The following RNF19A variants were observed in gnomAD, a reference collection of about 807,000 sequenced individuals.
RNF19A encodes the protein ring finger protein 19A, RBR E3 ubiquitin protein ligase, also known as E3 ubiquitin-protein ligase RNF19A.
A neutral mutation model predicts 75.7 loss-of-function variants in RNF19A; 32 were observed. That is an observed-to-expected ratio of 0.42 (90% CI 0.32 to 0.57). The LOEUF (loss-of-function observed/expected upper bound fraction) is 0.57, where lower values mean the gene tolerates loss of function less well. RNF19A is among the 20% of genes least tolerant of loss of function. The pLI is 0.10. For missense variants in RNF19A, 782 were observed against 1,036.3 expected (o/e 0.75, Z 3.37); for synonymous variants, 335 against 345.2 (o/e 0.97, Z 0.33).
At chr8:100,291,161 T>C (rs1432526487) in intron 1 of RNF19A, among the ~76,000 whole-genome samples, 1 of 152,174 alleles carries the variant, frequency 6.6e-6, no homozygotes, top group Admixed American at 6.5e-5. Context: ...CCTGAATCAG[T>C]GATCAGGACC....
intron 2 of RNF19A, among the ~76,000 whole-genome samples, chr8:100,286,548 T>G (rs973256779): frequency 2.0e-5 from 3 of 152,190 alleles, no homozygotes; most frequent in African/African-American, 7.2e-5. Flanking sequence ...ACTTTTCTCA[T>G]TTAAAATTAT....
chr8:100,258,981 A>T lies in RNF19A; in HGVS notation c.2092T>A (p.Leu698Ile). The change falls in exon 10 of 10, where the codon TTA (leucine) becomes ATA (isoleucine). Residue 698 changes from leucine (L) to isoleucine (I), a missense_variant. By Grantham distance (5) the Leu-to-Ile change is conservative. Coordinates refer to ENST00000341084, the MANE Select transcript of RNF19A (RefSeq NM_183419.4). This position sits in a 1 kb window ranked among gnomAD's most constrained non-coding sequence, Gnocchi z 4.3. ...ETREDMDAQL[L>I]EQQSTNSSEF... Reference sequence around the variant, plus strand: ...CTTGAGTTCGTGCTTTGTTGTTCTAACAACTGTGCATCCATGTCCTCTCTC... The same window carrying T: ...CTTGAGTTCGTGCTTTGTTGTTCTATCAACTGTGCATCCATGTCCTCTCTC... The T allele has an allele frequency of 6.2e-7, 1 of 1,614,252 alleles. No homozygotes were observed.
In RNF19A at chr8:100,287,884, T is replaced by C; in HGVS notation, c.291A>G (p.Ile97Met). The C allele has an allele frequency of 6.2e-7, 1 of 1,614,232 alleles. No individual in the cohort carries two copies. The highest frequency in any genetic ancestry group is 8.5e-7 in the Non-Finnish European group (1 of 1,180,040). Residue 97 changes from isoleucine to methionine, a missense_variant, in exon 2 of 10, where the codon ATA (isoleucine) becomes ATG (methionine). Ile to Met is a conservative substitution (Grantham distance 10, BLOSUM62 1). Coordinates refer to ENST00000341084, the MANE Select transcript of RNF19A (RefSeq NM_183419.4). This position sits in a 1 kb window ranked among gnomAD's most constrained non-coding sequence, Gnocchi z 4.1. ...TCTTATCAGTACACATTTCAGAATG[T>C]ATACTTTCAATACTTGCAATTCCAT... ...GVDGIASIESIHSEMCTDKNS... is the reference protein window; with the variant it reads ...GVDGIASIESMHSEMCTDKNS...
At chr8:100,313,486 C>G (rs1204793627), upstream of RNF19A, 1 of 117,640 alleles carries the variant, frequency 8.5e-6, no homozygotes, top group Non-Finnish European at 1.5e-5. Context: ...AGAGGCTGAA[C>G]ATAGCAAAAG....
Position 100,317,063 on chromosome 8 carries a change from T to A in RNF19A, c.-242-3691A>T, listed in dbSNP as rs1822392122. Among the ~76,000 whole-genome samples the A allele has an allele frequency of 6.6e-6, 1 of 151,660 alleles. No individual in the cohort carries two copies. Among genetic ancestry groups the A allele is most frequent in the African/African-American group, 2.4e-5 (1 of 41,322 alleles). Reference sequence around the variant, plus strand: ...GGGACCAGCAGCGCTGCCCGGCTACTCTGAGTGCGGGGCCTGCCAAGCCCA... The same window carrying A: ...GGGACCAGCAGCGCTGCCCGGCTACACTGAGTGCGGGGCCTGCCAAGCCCA... On this transcript the variant is annotated intron_variant, in intron 1 of 3. Transcript: ENST00000519527. The surrounding 1 kb of genome is among the most constrained non-coding windows in gnomAD (Gnocchi z 4.3).
At chr8:100,312,984 A>G (rs1037705407), upstream of RNF19A, among the ~76,000 whole-genome samples, 1 of 152,320 alleles carries the variant, frequency 6.6e-6, no homozygotes, top group South Asian at 2.1e-4. Context: ...GGTAATTGCA[A>G]TGCATGACCA....
At position 100,279,820 on chromosome 8, in the gene RNF19A, C is replaced by A. The variant is rs1359109805; in HGVS notation, c.675-4659G>T. On this transcript the variant is annotated intron_variant, in intron 2 of 9. Coordinates refer to ENST00000341084, the MANE Select transcript of RNF19A (RefSeq NM_183419.4). ...GGAATTACAAGTGTGAGCCACCACA[C>A]CCAGCCTCAATTTTTTGTGTTTTTA... is the stretch of plus-strand genomic sequence containing the variant. 2.0e-5 allele frequency among the ~76,000 whole-genome samples: 3 copies of A among 152,120 alleles called. No homozygotes were observed. The East Asian group carries it at 5.8e-4, about 29-fold the overall frequency.
chr8:100,288,709 GT>G (rs1208185957), intron 1 of RNF19A, among the ~76,000 whole-genome samples: 2 of 152,312 alleles, frequency 1.3e-5, no homozygotes, highest in Non-Finnish European at 2.9e-5. Context: ...AATTAACATA[GT>G]GTGCTATGCC....
At position 100,284,236 on chromosome 8, in the gene RNF19A, G is replaced by GT. The variant is rs1291231841; in HGVS notation, c.674+3264dup. 6.6e-6 allele frequency among the ~76,000 whole-genome samples: 1 copy of GT among 152,064 alleles called. No homozygotes were observed. ...AGATAGGATAGGGACTCAAAATCAG[G>GT]TATTTACAGCTCATAATAAGTAAAG... is the stretch of plus-strand genomic sequence containing the variant. On this transcript the variant is annotated intron_variant, in intron 2 of 9. Coordinates refer to ENST00000341084, the MANE Select transcript of RNF19A (RefSeq NM_183419.4). This position sits in a 1 kb window ranked among gnomAD's most constrained non-coding sequence, Gnocchi z 4.3.
intron 3 of RNF19A, among the ~76,000 whole-genome samples, chr8:100,274,085 A>G (rs1472539769): frequency 1.3e-5 from 2 of 152,144 alleles, no homozygotes; most frequent in Non-Finnish European, 2.9e-5. Context: ...GTGACTGGCC[A>G]GTATCTTTAT....
chr8:100,310,575 G>C (rs776300859), upstream of RNF19A, among the ~76,000 whole-genome samples: 44 of 152,356 alleles, frequency 2.9e-4, no homozygotes, highest in Non-Finnish European at 6.0e-4. Flanking sequence ...AGGGAGAGAA[G>C]TGCCGGGATG....
At chr8:100,265,657 T>A (rs897260668) in intron 5 of RNF19A, among the ~76,000 whole-genome samples, 14 of 152,210 alleles carry the variant, frequency 9.2e-5, no homozygotes, top group African/African-American at 3.4e-4. Context: ...CAGATGGGAC[T>A]TATAAAATAA....
At position 100,275,352 on chromosome 8, in the gene RNF19A, G is replaced by A. The variant is rs903341620; in HGVS notation, c.675-191C>T. Among the ~76,000 whole-genome samples, 5 of 151,178 alleles carry A rather than the reference G, an allele frequency of 3.3e-5. No individual in the cohort carries two copies. The highest frequency in any genetic ancestry group is 7.4e-5 in the Non-Finnish European group (5 of 67,838). Reference sequence around the variant, plus strand: ...TTACAAATGAAGATATATAAATGGTGTAAAATATTTTAAAAGTTCAATTTT... The same window carrying A: ...TTACAAATGAAGATATATAAATGGTATAAAATATTTTAAAAGTTCAATTTT... On this transcript the variant is annotated intron_variant, in intron 2 of 9. Transcript: ENST00000341084. The surrounding 1 kb of genome is among the most constrained non-coding windows in gnomAD (Gnocchi z 4.3).
In RNF19A at chr8:100,258,350, T is replaced by A. The variant is rs1586583499; in HGVS notation, c.*206A>T. On this transcript the variant is annotated 3_prime_UTR_variant, in exon 10 of 10. Transcript: ENST00000341084. This position sits in a 1 kb window ranked among gnomAD's most constrained non-coding sequence, Gnocchi z 4.3. ...CTCTTCAAATTTATTATCCTTAAAATAATGCACTTTTAAAGCCTTCACTTC... is the reference window on the plus strand; with the variant it reads ...CTCTTCAAATTTATTATCCTTAAAAAAATGCACTTTTAAAGCCTTCACTTC... 4.0e-6 allele frequency: 2 copies of A among 496,108 alleles called. No individual in the cohort carries two copies. Among genetic ancestry groups the A allele is most frequent in the Admixed American group, 3.8e-5 (1 of 26,652 alleles). The allele number at this position is 496,108 out of a possible 1,614,324, so 30.7% of individuals were successfully genotyped here.
At chr8:100,310,619 G>C (rs1159953843), upstream of RNF19A, among the ~76,000 whole-genome samples, 2 of 152,252 alleles carry the variant, frequency 1.3e-5, no homozygotes, top group African/African-American at 4.8e-5. Context: ...TCCTTTCCCA[G>C]AGGACGGCAG....
rs1822397318 is a variant in RNF19A at position 100,317,193 on chromosome 8, G to GA, written c.-242-3822dup. Reference sequence around the variant, plus strand: ...CTCCGCACCTCCCTGCAAGCTGAGGGAGTGGGCTCCAGCCTTGGCCAGCCC... The same window carrying GA: ...CTCCGCACCTCCCTGCAAGCTGAGGGAAGTGGGCTCCAGCCTTGGCCAGCCC... On this transcript the variant is annotated intron_variant, in intron 1 of 3. Transcript: ENST00000519527. This position sits in a 1 kb window ranked among gnomAD's most constrained non-coding sequence, Gnocchi z 4.3. Among the ~76,000 whole-genome samples, 3 of 131,904 alleles carry GA rather than the reference G, an allele frequency of 2.3e-5. 1 individual carries two copies. In the South Asian group the frequency reaches 7.6e-4, roughly 33 times the overall value. The allele number at this position is 131,904 out of a possible 152,430, so 86.5% of individuals were successfully genotyped here.
chr8:100,309,250 A>G, intron 1 of RNF19A: 1 of 897,182 alleles, frequency 1.1e-6, no homozygotes, highest in African/African-American at 1.8e-5. Context: ...TTTTGGTGTG[A>G]TGTGTAATTT....
At chr8:100,309,253 T>C in intron 1 of RNF19A, 1 of 921,450 alleles carries the variant, frequency 1.1e-6, no homozygotes, top group Non-Finnish European at 1.3e-6. Context: ...TGGTGTGATG[T>C]GTAATTTTTG....
chr8:100,269,982 A>G lies in RNF19A; in HGVS notation c.915T>C (p.Ala305=), dbSNP rs777795565. 4 of 1,606,816 alleles carry G rather than the reference A, an allele frequency of 2.5e-6. No homozygotes were observed. The South Asian group carries it at 3.3e-5, about 13-fold the overall frequency. Residue 305 remains alanine (A), a synonymous_variant, in exon 4 of 10, where the codon GCT becomes GCC. Transcript: ENST00000341084. The surrounding 1 kb of genome is among the most constrained non-coding windows in gnomAD (Gnocchi z 5.7). ...ADDIKPCPRC[A]AYIIKMNDGS... ...CATCATTCATCTTTATTATATAAGCAGCACATCGTGGACATGGCTTTATAT... is the reference window on the plus strand; with the variant it reads ...CATCATTCATCTTTATTATATAAGCGGCACATCGTGGACATGGCTTTATAT...
Sources: allele counts gnomAD v4.1 joint callset (sites outside exome capture counted in the v4.1 genomes callset), GRCh38; gene constraint gnomAD v4.1.1; non-coding constraint Gnocchi (gnomAD v3.1); transcripts MANE v1.5; gene names NCBI Gene and HGNC (gene_info 2026-07-23, HGNC 2026-07-21).